MAP2K5: variants seen among roughly 807,000 people sequenced by gnomAD.
MAP2K5 encodes the protein mitogen-activated protein kinase kinase 5.
Under a neutral mutation model 83.1 loss-of-function variants are expected in MAP2K5, and 49 were observed. The ratio of observed to expected loss-of-function variants is 0.59; its 90% confidence interval spans 0.47 to 0.75. The LOEUF (loss-of-function observed/expected upper bound fraction) is 0.75, where lower values mean the gene tolerates loss of function less well. MAP2K5 is among the 30% of genes least tolerant of loss of function. The pLI is 0.00. For missense variants in MAP2K5, 457 were observed against 557.5 expected (o/e 0.82, Z 1.82); for synonymous variants, 202 against 191.8 (o/e 1.05, Z -0.44).
chr15:67,770,302 G>A lies in MAP2K5; in HGVS notation c.1196+639G>A, dbSNP rs2090117614. Among the ~76,000 whole-genome samples the A allele has an allele frequency of 6.6e-6, 1 of 152,188 alleles. No individual in the cohort carries two copies. Among genetic ancestry groups the A allele is most frequent in the Non-Finnish European group, 1.5e-5 (1 of 68,040 alleles). The stretch of plus-strand genomic sequence containing the variant: ...TTTTACTGCCAAGGGTTCTTTGCCA[G>A]CCTTCTGCCTTTTTCCTCCTAGCAG... On this transcript the variant is annotated intron_variant, in intron 20 of 21. Coordinates refer to ENST00000178640, the MANE Select transcript of MAP2K5 (RefSeq NM_145160.3). The surrounding 1 kb of genome is among the most constrained non-coding windows in gnomAD (Gnocchi z 5.0).
chr15:67,673,839 C>A (rs976825537), intron 13 of MAP2K5, among the ~76,000 whole-genome samples: 3 of 151,790 alleles, frequency 2.0e-5, no homozygotes, highest in Non-Finnish European at 4.4e-5. Context: ...TCTGGAGGAT[C>A]AGTTTTTGTT....
At position 67,748,717 on chromosome 15, in the gene MAP2K5, G is replaced by A. The variant is rs1308090799; in HGVS notation, c.1134+116G>A. Reference sequence around the variant, plus strand: ...CAACATCCTTGGAGCAAGTTGTGTTGTATGGCTCTGAGCTATGTTACGTGA... The same window carrying A: ...CAACATCCTTGGAGCAAGTTGTGTTATATGGCTCTGAGCTATGTTACGTGA... On this transcript the variant is annotated intron_variant, in intron 19 of 21. Coordinates refer to ENST00000178640, the MANE Select transcript of MAP2K5 (RefSeq NM_145160.3). The surrounding 1 kb of genome is among the most constrained non-coding windows in gnomAD (Gnocchi z 4.0). 1.8e-5 allele frequency: 17 copies of A among 950,880 alleles called. No individual in the cohort carries two copies. The East Asian group carries it at 4.2e-4, about 23-fold the overall frequency. The allele number at this position is 950,880 out of a possible 1,614,324, so 58.9% of individuals were successfully genotyped here.
intron 13 of MAP2K5, among the ~76,000 whole-genome samples, chr15:67,667,505 T>A (rs1180493658): frequency 3.9e-5 from 6 of 152,128 alleles, no homozygotes; most frequent in African/African-American, 1.4e-4. Flanking sequence ...GGGAGCCTGG[T>A]TTAGGCATTG....
chr15:67,664,525 T>C (rs1567345221), intron 12 of MAP2K5, 72 bp from the exon 13 acceptor site: 1 of 965,530 alleles, frequency 1.0e-6, no homozygotes, highest in Admixed American at 2.1e-5. Context: ...ATGTTGAATG[T>C]ATTTAAATAT....
At chr15:67,700,770 T>G (rs890834624) in intron 15 of MAP2K5, among the ~76,000 whole-genome samples, 1 of 151,976 alleles carries the variant, frequency 6.6e-6, no homozygotes, top group Admixed American at 6.6e-5. Flanking sequence ...TTGCTGAAAA[T>G]TTTTGCTCAA....
In MAP2K5 at chr15:67,758,814, G is replaced by A. The variant is rs559634927; in HGVS notation, c.1134+10213G>A. On this transcript the variant is annotated intron_variant, in intron 19 of 21. Coordinates refer to ENST00000178640, the MANE Select transcript of MAP2K5 (RefSeq NM_145160.3). The surrounding 1 kb of genome is among the most constrained non-coding windows in gnomAD (Gnocchi z 4.7). ...AAGGAAACTGAGTGACAATCAAAGG[G>A]TAAGGTTCCTTACATTATACTATCA... Among the ~76,000 whole-genome samples, 1 of 152,256 alleles carries A rather than the reference G, an allele frequency of 6.6e-6. No individual in the cohort carries two copies. The highest frequency in any genetic ancestry group is 6.5e-5 in the Admixed American group (1 of 15,294).
chr15:67,749,614 A>C lies in MAP2K5; in HGVS notation c.1134+1013A>C, dbSNP rs1194679353. 6.6e-6 allele frequency among the ~76,000 whole-genome samples: 1 copy of C among 152,234 alleles called. No individual in the cohort carries two copies. The highest frequency in any genetic ancestry group is 2.4e-5 in the African/African-American group (1 of 41,460). ...CACACACACATATCACAATAATAGT[A>C]AGAGTGGGGCTCTAACATCCTTAAT... On this transcript the variant is annotated intron_variant, in intron 19 of 21. Coordinates refer to ENST00000178640, the MANE Select transcript of MAP2K5 (RefSeq NM_145160.3). The surrounding 1 kb of genome is among the most constrained non-coding windows in gnomAD (Gnocchi z 4.6).
intron 21 of MAP2K5, among the ~76,000 whole-genome samples, chr15:67,789,222 T>C (rs2090472050): frequency 6.6e-6 from 1 of 152,230 alleles, no homozygotes; most frequent in African/African-American, 2.4e-5. Context: ...TTCCATACTA[T>C]GGATGTATCA....
At chr15:67,633,965 T>C (rs1422354724) in intron 9 of MAP2K5, among the ~76,000 whole-genome samples, 2 of 152,198 alleles carry the variant, frequency 1.3e-5, no homozygotes, top group Non-Finnish European at 2.9e-5. Flanking sequence ...TTTAATTCCA[T>C]TGTGGTTCCA....
At chr15:67,673,676 G>A (rs527608248) in intron 13 of MAP2K5, among the ~76,000 whole-genome samples, 1 of 152,234 alleles carries the variant, frequency 6.6e-6, no homozygotes, top group South Asian at 2.1e-4. Flanking sequence ...GCTATCAATA[G>A]AAAACTAACC....
chr15:67,686,337 T>C (rs1245983503), intron 13 of MAP2K5, among the ~76,000 whole-genome samples: 1 of 152,142 alleles, frequency 6.6e-6, no homozygotes. Flanking sequence ...CCAGGCGCGA[T>C]GGCTCACACC....
chr15:67,704,326 G>A (rs529904840), intron 16 of MAP2K5, among the ~76,000 whole-genome samples: 23 of 152,218 alleles, frequency 1.5e-4, no homozygotes, highest in Non-Finnish European at 2.8e-4. Flanking sequence ...TTGGGCTCAA[G>A]CAGTCCTCCT....
At position 67,708,445 on chromosome 15, in the gene MAP2K5, A is replaced by G. The variant is rs1269065729; in HGVS notation, c.1044+5037A>G. Among the ~76,000 whole-genome samples the G allele has an allele frequency of 6.6e-6, 1 of 152,166 alleles. No individual in the cohort carries two copies. The highest frequency in any genetic ancestry group is 1.5e-5 in the Non-Finnish European group (1 of 68,034). On this transcript the variant is annotated intron_variant, in intron 16 of 21. Coordinates refer to ENST00000178640, the MANE Select transcript of MAP2K5 (RefSeq NM_145160.3). The surrounding 1 kb of genome is among the most constrained non-coding windows in gnomAD (Gnocchi z 4.9). ...CATCTCTGAGGTTTGGTGATGCCAG[A>G]AGCAGAAAGTTCAATTTACAGCTGT...
At chr15:67,641,449 G>A (rs202238954) in intron 9 of MAP2K5, 1 of 998,262 alleles carries the variant, frequency 1.0e-6, no homozygotes, top group African/African-American at 1.7e-5. Context: ...CTTTAGTGAA[G>A]TGTGTGCCAC....
intron 1 of MAP2K5, among the ~76,000 whole-genome samples, chr15:67,544,058 C>T (rs149546974): frequency 2.2e-4 from 34 of 152,348 alleles, no homozygotes; most frequent in African/African-American, 8.2e-4. Context: ...CATGCCATCA[C>T]ACCTGGATAA....
chr15:67,626,690 G>A (rs2086331997), intron 8 of MAP2K5, among the ~76,000 whole-genome samples: 1 of 151,838 alleles, frequency 6.6e-6, no homozygotes, highest in African/African-American at 2.4e-5. Context: ...CTTGAGGCTT[G>A]GAGTTTGAGA....
In MAP2K5 at chr15:67,632,378, G is replaced by A. The variant is rs545747596; in HGVS notation, c.585+1451G>A. Among the ~76,000 whole-genome samples the A allele has an allele frequency of 7.9e-5, 12 of 152,228 alleles. No homozygotes were observed. In the East Asian group the frequency reaches 1.7e-3, roughly 22 times the overall value. On this transcript the variant is annotated intron_variant, in intron 9 of 21. Coordinates refer to ENST00000178640, the MANE Select transcript of MAP2K5 (RefSeq NM_145160.3). ...GCCACCCGAAGTCCTGGGATTATAG[G>A]CATGAGCCACCACGCCCAGCTATGC...
At chr15:67,798,600 G>A (rs2090647273) in intron 21 of MAP2K5, among the ~76,000 whole-genome samples, 1 of 152,190 alleles carries the variant, frequency 6.6e-6, no homozygotes, top group Admixed American at 6.5e-5. Flanking sequence ...ATTACTCTGT[G>A]TAGAAACACA....
intron 16 of MAP2K5, among the ~76,000 whole-genome samples, chr15:67,709,516 T>A (rs1030099166): frequency 1.3e-5 from 2 of 148,604 alleles, no homozygotes; most frequent in African/African-American, 5.0e-5. Context: ...AACTTTAAAA[T>A]GAAAATGAGT....
Sources: allele counts gnomAD v4.1 joint callset (sites outside exome capture counted in the v4.1 genomes callset), GRCh38; gene constraint gnomAD v4.1.1; non-coding constraint Gnocchi (gnomAD v3.1); transcripts MANE v1.5; gene names NCBI Gene and HGNC (gene_info 2026-07-23, HGNC 2026-07-21).